GRM8: variants seen among roughly 807,000 people sequenced by gnomAD.
GRM8 encodes the protein glutamate metabotropic receptor 8.
In GRM8, 47 loss-of-function variants were observed where a neutral mutation model predicts 87.2. That is an observed-to-expected ratio of 0.54 (90% CI 0.43 to 0.69). The LOEUF (loss-of-function observed/expected upper bound fraction) is 0.69, where lower values mean the gene tolerates loss of function less well. Among genes scored for constraint, GRM8 ranks in the 30% least tolerant of loss-of-function variants. The pLI, the probability that GRM8 is intolerant of heterozygous loss-of-function variation, is 0.00. For missense variants in GRM8, 1,019 were observed against 1,139.2 expected (o/e 0.89, Z 1.52); for synonymous variants, 396 against 404.5 (o/e 0.98, Z 0.25).
intron 9 of GRM8, among the ~76,000 whole-genome samples, chr7:126,507,517 C>T: frequency 6.6e-6 from 1 of 152,134 alleles, no homozygotes; most frequent in South Asian, 2.1e-4. Context: ...ATAACTATGA[C>T]CTGTAATAAA....
intron 7 of GRM8, among the ~76,000 whole-genome samples, chr7:126,710,128 TA>T (rs1243993554): frequency 2.6e-5 from 4 of 152,198 alleles, no homozygotes; most frequent in African/African-American, 4.8e-5. Flanking sequence ...TAATTTATTT[TA>T]AAAATATTTT....
chr7:126,914,040 G>A (rs1803598085), intron 3 of GRM8, among the ~76,000 whole-genome samples: 1 of 152,164 alleles, frequency 6.6e-6, no homozygotes, highest in Non-Finnish European at 1.5e-5. Context: ...ATGCAATGAA[G>A]GAATGGTACA....
intron 3 of GRM8, among the ~76,000 whole-genome samples, chr7:127,027,723 G>A (rs1816929530): frequency 1.3e-5 from 2 of 152,182 alleles, no homozygotes; most frequent in African/African-American, 2.4e-5. Flanking sequence ...AGCTTAAGGA[G>A]ATTTTGGGCT....
chr7:126,486,407 A>G (rs1213594931), intron 9 of GRM8, among the ~76,000 whole-genome samples: 1 of 151,748 alleles, frequency 6.6e-6, no homozygotes, highest in Non-Finnish European at 1.5e-5. Flanking sequence ...ACCTCCTCAA[A>G]CCTGTTGAAT....
chr7:127,203,433 C>A lies in GRM8; in HGVS notation c.510+39262G>T, dbSNP rs529448488. The stretch of plus-strand genomic sequence containing the variant: ...CCTGAATCTAAAAGTTGAGGCCAGG[C>A]GTAGTGGCTCAGGCCTGTAATCCCA... On this transcript the variant is annotated intron_variant, in intron 2 of 10. Transcript: ENST00000339582. 3.9e-5 allele frequency among the ~76,000 whole-genome samples: 6 copies of A among 152,254 alleles called. No individual in the cohort carries two copies. In the East Asian group the frequency reaches 7.7e-4, roughly 20 times the overall value.
chr7:126,782,480 T>C (rs1820186983), intron 6 of GRM8, among the ~76,000 whole-genome samples: 1 of 152,162 alleles, frequency 6.6e-6, no homozygotes, highest in Non-Finnish European at 1.5e-5. Flanking sequence ...AATCACTGAA[T>C]GAGTTTGCCC....
chr7:126,804,336 G>C (rs1792428710), intron 6 of GRM8, among the ~76,000 whole-genome samples: 1 of 152,326 alleles, frequency 6.6e-6, no homozygotes, highest in South Asian at 2.1e-4. Flanking sequence ...ATACTGAAAT[G>C]ACTGCACACA....
At chr7:126,991,763 G>A (rs1812679599) in intron 3 of GRM8, among the ~76,000 whole-genome samples, 1 of 152,070 alleles carries the variant, frequency 6.6e-6, no homozygotes, top group African/African-American at 2.4e-5. Context: ...TATGTTAGAG[G>A]GAAAGTGTAT....
intron 3 of GRM8, among the ~76,000 whole-genome samples, chr7:127,087,897 G>T (rs1398200849): frequency 6.6e-6 from 1 of 152,010 alleles, no homozygotes; most frequent in African/African-American, 2.4e-5. Flanking sequence ...TCAATAATAG[G>T]GCTCCCCCAG....
chr7:126,846,439 G>T (rs1361863227), intron 6 of GRM8, among the ~76,000 whole-genome samples: 1 of 152,196 alleles, frequency 6.6e-6, no homozygotes, highest in Admixed American at 6.5e-5. Context: ...TTAGAACGTT[G>T]TCTAAGCAAC....
In GRM8 at chr7:126,614,869, C is replaced by G. The variant is rs193222806; in HGVS notation, c.1358-5371G>C. 2.4e-3 allele frequency among the ~76,000 whole-genome samples: 373 copies of G among 152,248 alleles called. 1 individual carries two copies. Among genetic ancestry groups the G allele is most frequent in the Non-Finnish European group, 4.0e-3 (270 of 68,004 alleles). ...AACAAAGCCTCTAAGAAATACGGGA[C>G]TATGTGAAAAGACCAAATCTACGTC... On this transcript the variant is annotated intron_variant, in intron 7 of 10. Coordinates refer to ENST00000339582, the MANE Select transcript of GRM8 (RefSeq NM_000845.3).
rs35496722 is a variant in GRM8, at chr7:126,550,043, TAA to T, written c.1495-16158_1495-16157del. On this transcript the variant is annotated intron_variant, in intron 8 of 10. Transcript: ENST00000339582. Reference sequence around the variant, plus strand: ...TTATGGGCAACAAAGCAAACAGCAATAAAAAAAAAACTGTTAGAAAAATGACA... The same window carrying T: ...TTATGGGCAACAAAGCAAACAGCAATAAAAAAAACTGTTAGAAAAATGACA... 7.3e-3 allele frequency among the ~76,000 whole-genome samples: 1,096 copies of T among 150,854 alleles called. 3 individuals carry two copies. Among genetic ancestry groups the T allele is most frequent in the African/African-American group, 0.024 (1,003 of 40,982 alleles).
intron 2 of GRM8, among the ~76,000 whole-genome samples, chr7:127,185,638 C>A (rs1037511235): frequency 2.6e-5 from 4 of 152,120 alleles, no homozygotes; most frequent in Non-Finnish European, 5.9e-5. Context: ...AAAGTTCATT[C>A]CTTACCCAAA....
At chr7:126,569,627 C>G (rs1345349443) in intron 8 of GRM8, among the ~76,000 whole-genome samples, 1 of 152,124 alleles carries the variant, frequency 6.6e-6, no homozygotes, top group Non-Finnish European at 1.5e-5. Flanking sequence ...AGGAACTGTT[C>G]ATCAGTTTTG....
intron 2 of GRM8, among the ~76,000 whole-genome samples, chr7:127,133,684 C>T (rs1165075225): frequency 4.1e-5 from 5 of 120,982 alleles, no homozygotes; most frequent in African/African-American, 1.2e-4. Flanking sequence ...CCAGCCTGGG[C>T]GACAGAGCAA....
intron 9 of GRM8, among the ~76,000 whole-genome samples, chr7:126,451,344 T>C (rs1248228982): frequency 6.6e-6 from 1 of 151,886 alleles, no homozygotes; most frequent in Middle Eastern, 3.4e-3. Flanking sequence ...TCCTTTTTTA[T>C]ACTCCCACCC....
intron 9 of GRM8, among the ~76,000 whole-genome samples, chr7:126,464,438 TTTGA>T (rs1257416723): frequency 6.6e-6 from 1 of 151,718 alleles, no homozygotes; most frequent in African/African-American, 2.4e-5. Flanking sequence ...CACTCTGTCT[TTTGA>T]TTGAAGATTT....
At chr7:126,865,799 G>C (rs959335173) in intron 6 of GRM8, among the ~76,000 whole-genome samples, 6 of 152,124 alleles carry the variant, frequency 3.9e-5, no homozygotes, top group African/African-American at 1.4e-4. Flanking sequence ...CATTGTATGG[G>C]TATGCCACAT....
chr7:126,707,023 G>A (rs990065537), intron 7 of GRM8, among the ~76,000 whole-genome samples: 2 of 152,034 alleles, frequency 1.3e-5, no homozygotes, highest in Non-Finnish European at 2.9e-5. Flanking sequence ...AATATTCCTG[G>A]CTGGGTATCG....
Sources: allele counts gnomAD v4.1 joint callset (sites outside exome capture counted in the v4.1 genomes callset), GRCh38; gene constraint gnomAD v4.1.1; transcripts MANE v1.5; gene names NCBI Gene and HGNC (gene_info 2026-07-23, HGNC 2026-07-21).